The following ZBTB7C variants were observed in gnomAD, a reference collection of about 807,000 sequenced individuals.
ZBTB7C encodes the protein zinc finger and BTB domain-containing protein 7C.
Under a neutral mutation model 25.7 loss-of-function variants are expected in ZBTB7C, and 8 were observed. The ratio of observed to expected loss-of-function variants is 0.31; its 90% CI spans 0.18 to 0.56. ZBTB7C has a LOEUF of 0.56. ZBTB7C is among the 20% of genes least tolerant of loss of function. The pLI, the probability that ZBTB7C is intolerant of heterozygous loss-of-function variation, is 0.91. For synonymous variants in ZBTB7C, 394 were observed against 369.0 expected (o/e 1.07, Z -0.78); for missense variants, 824 against 855.2 (o/e 0.96, Z 0.46).
In ZBTB7C at chr18:48,135,124, C is replaced by CACTATT. The variant is rs775321717; in HGVS notation, c.-17+50804_-17+50809dup. 7.9e-5 allele frequency among the ~76,000 whole-genome samples: 12 copies of CACTATT among 152,122 alleles called. No homozygotes were observed. The South Asian group carries it at 8.3e-4, about 11-fold the overall frequency. ...ACTTCATCCAACCCTTTGAGGGTTGCACTATTACTATTACTATTACTATTC... is the reference window on the plus strand; with the variant it reads ...ACTTCATCCAACCCTTTGAGGGTTGCACTATTACTATTACTATTACTATTACTATTC... On this transcript the variant is annotated intron_variant, in intron 3 of 4. Coordinates refer to ENST00000590800, the MANE Select transcript of ZBTB7C (RefSeq NM_001318841.2).
chr18:48,125,171 C>T (rs2039759643), intron 3 of ZBTB7C, among the ~76,000 whole-genome samples: 1 of 152,166 alleles, frequency 6.6e-6, no homozygotes, highest in African/African-American at 2.4e-5. Context: ...TATGATTATC[C>T]CACTGAACAG....
intron 3 of ZBTB7C, among the ~76,000 whole-genome samples, chr18:48,179,893 A>C: frequency 3.3e-5 from 4 of 121,532 alleles, no homozygotes; most frequent in African/African-American, 1.3e-4. Flanking sequence ...TGCAAGGAAG[A>C]TATTTCTCCT....
chr18:48,197,903 T>C (rs991794158), intron 2 of ZBTB7C, among the ~76,000 whole-genome samples: 2 of 152,202 alleles, frequency 1.3e-5, no homozygotes, highest in Non-Finnish European at 2.9e-5. Context: ...TTAGATATTA[T>C]CTATTAGTGT....
At chr18:48,089,932 C>T (rs1202377986) in intron 3 of ZBTB7C, among the ~76,000 whole-genome samples, 1 of 152,328 alleles carries the variant, frequency 6.6e-6, no homozygotes, top group Middle Eastern at 3.4e-3. Context: ...CCCTTCATAG[C>T]GTTCCTCTCT....
intron 2 of ZBTB7C, among the ~76,000 whole-genome samples, chr18:48,240,001 AATAG>A (rs1322243597): frequency 6.6e-6 from 1 of 152,110 alleles, no homozygotes; most frequent in Non-Finnish European, 1.5e-5. Flanking sequence ...TCTCCAGAGA[AATAG>A]ATAGCATAAA....
chr18:48,410,928 G>A (rs778478000), upstream of ZBTB7C, among the ~76,000 whole-genome samples: 1 of 152,242 alleles, frequency 6.6e-6, no homozygotes, highest in South Asian at 2.1e-4. Context: ...ATTAATAAAA[G>A]GGCAGTGGGG....
intron 1 of ZBTB7C, among the ~76,000 whole-genome samples, chr18:48,354,497 A>G (rs2145059564): frequency 6.6e-6 from 1 of 152,290 alleles, no homozygotes; most frequent in South Asian, 2.1e-4. Flanking sequence ...GTAATTAATC[A>G]CCTGGTAAAA....
chr18:48,389,629 C>T lies in ZBTB7C; in HGVS notation c.-304+19597G>A, dbSNP rs2047852274. Reference sequence around the variant, plus strand: ...TATACTCATAGCCTCACCCTCCATCCAGGCCACCCTAAGCCCAAACCCCAG... The same window carrying T: ...TATACTCATAGCCTCACCCTCCATCTAGGCCACCCTAAGCCCAAACCCCAG... On this transcript the variant is annotated intron_variant, in intron 1 of 4. Coordinates refer to ENST00000590800, the MANE Select transcript of ZBTB7C (RefSeq NM_001318841.2). 3.3e-5 allele frequency among the ~76,000 whole-genome samples: 5 copies of T among 152,126 alleles called. No individual in the cohort carries two copies. In the South Asian group the frequency reaches 1.0e-3, roughly 32 times the overall value.
At chr18:48,389,226 CTCTCTCTCTCGTGT>C (rs1351852299) in intron 1 of ZBTB7C, among the ~76,000 whole-genome samples, 1,318 of 108,842 alleles carry the variant, frequency 0.012, 5 homozygotes, top group Admixed American at 0.017. Flanking sequence ...CTCTCTCTCT[CTCTCTCTCTCGTGT>C]GTGTGTGTGT....
Position 48,029,870 on chromosome 18 carries a change from T to C in ZBTB7C, c.1250A>G (p.Glu417Gly). The C allele has an allele frequency of 6.2e-7, 1 of 1,611,554 alleles. No individual in the cohort carries two copies. Among genetic ancestry groups the C allele is most frequent in the Non-Finnish European group, 8.5e-7 (1 of 1,180,006 alleles). ...GCAGTGGATGCACAGGTAGGGCCGC[T>C]CCCCTGTGTGCTTCCGCATGTGGAT... ...LKIHMRKHTG[E>G]RPYLCIHCNA... Residue 417 changes from glutamate (E) to glycine (G), a missense_variant, in exon 5 of 5, where the codon GAG (glutamate) becomes GGG (glycine). This residue lies in a region of ZBTB7C where 342 missense variants were observed against 307.0 expected (regional missense o/e 1.11). Coordinates refer to ENST00000590800, the MANE Select transcript of ZBTB7C (RefSeq NM_001318841.2).
At chr18:48,274,531 C>T (rs757957471) in intron 2 of ZBTB7C, among the ~76,000 whole-genome samples, 5 of 152,158 alleles carry the variant, frequency 3.3e-5, no homozygotes, top group Non-Finnish European at 4.4e-5. Context: ...TTATATTTCT[C>T]CCAAACTCGC....
chr18:48,029,857 C>A lies in ZBTB7C; in HGVS notation c.1263G>T (p.Leu421=). Residue 421 remains leucine, a synonymous_variant, in exon 5 of 5, where the codon CTG becomes CTT. Coordinates refer to ENST00000590800, the MANE Select transcript of ZBTB7C (RefSeq NM_001318841.2). ...CGAACTTGGCGTTGCAGTGGATGCACAGGTAGGGCCGCTCCCCTGTGTGCT... is the reference window on the plus strand; with the variant it reads ...CGAACTTGGCGTTGCAGTGGATGCAAAGGTAGGGCCGCTCCCCTGTGTGCT... ...MRKHTGERPY[L]CIHCNAKFVH... is the part of the protein sequence containing the mutation. The A allele has an allele frequency of 1.2e-6, 2 of 1,611,160 alleles. No homozygotes were observed. Among genetic ancestry groups the A allele is most frequent in the Non-Finnish European group, 1.7e-6 (2 of 1,180,010 alleles).
At chr18:48,161,756 T>C (rs1345557466) in intron 3 of ZBTB7C, among the ~76,000 whole-genome samples, 1 of 123,926 alleles carries the variant, frequency 8.1e-6, no homozygotes, top group East Asian at 2.2e-4. Flanking sequence ...CCCTCCTCTA[T>C]CCCCGCCCCT....
At chr18:48,361,279 G>A (rs531496193) in intron 1 of ZBTB7C, among the ~76,000 whole-genome samples, 1 of 152,266 alleles carries the variant, frequency 6.6e-6, no homozygotes, top group East Asian at 1.9e-4. Context: ...TTTTATTCAT[G>A]ATTTCACTTC....
At chr18:48,194,016 A>T (rs2145172697) in intron 2 of ZBTB7C, among the ~76,000 whole-genome samples, 1 of 152,354 alleles carries the variant, frequency 6.6e-6, no homozygotes, top group African/African-American at 2.4e-5. Context: ...ACAGCCCCTT[A>T]GAAGTCCACA....
chr18:48,033,991 A>T (rs1055352887), intron 4 of ZBTB7C, among the ~76,000 whole-genome samples: 1 of 152,142 alleles, frequency 6.6e-6, no homozygotes. Flanking sequence ...GCTTCTGCCA[A>T]ATCTCCTTCT....
At chr18:48,399,533 G>C (rs1270966044) in intron 1 of ZBTB7C, among the ~76,000 whole-genome samples, 1 of 152,200 alleles carries the variant, frequency 6.6e-6, no homozygotes, top group Non-Finnish European at 1.5e-5. Flanking sequence ...ACTGGCCGGT[G>C]GGGTGGCGGG....
chr18:48,065,596 C>T lies in ZBTB7C; in HGVS notation c.-16-24473G>A, dbSNP rs77240967. On this transcript the variant is annotated intron_variant, in intron 3 of 4. Coordinates refer to ENST00000590800, the MANE Select transcript of ZBTB7C (RefSeq NM_001318841.2). ...TGGCACAAAGGAATTGGAGGGCTCT[C>T]AGGAGGTTGCTGGGCTGTTCAGCTG... Among the ~76,000 whole-genome samples the T allele has an allele frequency of 4.8e-4, 73 of 152,280 alleles. 2 individuals carry two copies. The East Asian group carries it at 0.011, about 23-fold the overall frequency.
intron 2 of ZBTB7C, among the ~76,000 whole-genome samples, chr18:48,237,929 G>C (rs762715132): frequency 6.6e-5 from 10 of 152,100 alleles, no homozygotes; most frequent in Admixed American, 2.0e-4. Flanking sequence ...AACTACAACT[G>C]CATACAACCA....
Sources: gnomAD v4.1 joint callset for allele counts (sites outside exome capture counted in the v4.1 genomes callset) on GRCh38, gnomAD v4.1.1 for gene constraint, gnomAD v4.1.1 regional missense constraint, MANE v1.5 for transcripts, NCBI Gene and HGNC (gene_info 2026-07-23, HGNC 2026-07-21) for gene names.